ARSF: variants seen among roughly 807,000 people sequenced by gnomAD.
ARSF encodes arylsulfatase F.
In ARSF, 33 loss-of-function variants were observed where a neutral mutation model predicts 35.4. The observed-to-expected ratio is 0.93, with a 90% CI of 0.71 to 1.25. The LOEUF (loss-of-function observed/expected upper bound fraction) is 1.25, where lower values mean the gene tolerates loss of function less well. ARSF is among the 50% of genes most tolerant of loss of function. The probability of loss-of-function intolerance (pLI) is 0.00; values close to 1 mark genes in which losing one functional copy is unlikely to be tolerated. For missense variants in ARSF, 501 were observed against 480.2 expected (o/e 1.04, Z -0.40); for synonymous variants, 222 against 193.1 (o/e 1.15, Z -1.24).
intron 8 of ARSF, among the ~76,000 whole-genome samples, chrX:3,101,860 A>G (rs765240425): frequency 8.9e-6 from 1 of 112,432 alleles, no homozygotes; most frequent in African/African-American, 3.2e-5. Context: ...AAAAAAGATA[A>G]TTATCTGGAA....
chrX:3,092,629 T>A (rs1425773844), intron 7 of ARSF, among the ~76,000 whole-genome samples: 1 of 112,015 alleles, frequency 8.9e-6, no homozygotes, highest in African/African-American at 3.2e-5. Context: ...GCAACTGAGA[T>A]GTACATGATA....
intron 7 of ARSF, among the ~76,000 whole-genome samples, chrX:3,096,090 A>C (rs1408768791): frequency 9.2e-6 from 1 of 108,526 alleles, no homozygotes; most frequent in Non-Finnish European, 1.9e-5. Context: ...TTAGTATAGT[A>C]TTAGTCCAAT....
chrX:3,091,139 T>G lies in ARSF; in HGVS notation c.967+1507T>G, dbSNP rs767503172. 3.6e-5 allele frequency among the ~76,000 whole-genome samples: 4 copies of G among 111,952 alleles called. No individual in the cohort carries two copies. The South Asian group carries it at 1.1e-3, about 32-fold the overall frequency. On this transcript the variant is annotated intron_variant, in intron 7 of 10. Coordinates refer to ENST00000381127, the MANE Select transcript of ARSF (RefSeq NM_001201539.2). ...CATGTTACCCAGGCTGCTCTTGAAC[T>G]CCCAAGCTCAGGTAATATGCCTGCC...
intron 7 of ARSF, among the ~76,000 whole-genome samples, chrX:3,092,429 C>T (rs1441948534): frequency 9.0e-6 from 1 of 111,602 alleles, no homozygotes; most frequent in Non-Finnish European, 1.9e-5. Flanking sequence ...TTTAAATTAA[C>T]AAAGCTCCCA....
At chrX:3,042,319 G>C (rs188150945) in intron 1 of ARSF, among the ~76,000 whole-genome samples, 1,908 of 110,886 alleles carry the variant, frequency 0.017, 19 homozygotes, top group Middle Eastern at 0.052. Flanking sequence ...AAATTAATTA[G>C]GTAAATGTAA....
At chrX:3,080,862 C>T in intron 4 of ARSF, 29 bp from the exon 5 acceptor site, 2 of 1,207,028 alleles carry the variant, frequency 1.7e-6, no homozygotes, top group South Asian at 3.6e-5. Context: ...AACACCTACT[C>T]ATTGTACTTT....
At chrX:3,075,398 G>A (rs2090137943) in intron 3 of ARSF, among the ~76,000 whole-genome samples, 1 of 109,985 alleles carries the variant, frequency 9.1e-6, no homozygotes, top group Admixed American at 9.7e-5. Context: ...AGATCTCTCT[G>A]TCTCTCTCTC....
chrX:3,101,239 T>C lies in ARSF; in HGVS notation c.1102+18T>C, dbSNP rs1309417839. The C allele has an allele frequency of 8.3e-7, 1 of 1,201,485 alleles. No homozygotes were observed. Among genetic ancestry groups the C allele is most frequent in the Non-Finnish European group, 1.1e-6 (1 of 890,360 alleles). ...ATACAAAGGTGAGGAGAGGAACTCATGCAAGTGATCTGGTGGTGAATAAGC... is the reference window on the plus strand; with the variant it reads ...ATACAAAGGTGAGGAGAGGAACTCACGCAAGTGATCTGGTGGTGAATAAGC... On this transcript the variant is annotated intron_variant, in intron 8 of 10. Coordinates refer to ENST00000381127, the MANE Select transcript of ARSF (RefSeq NM_001201539.2).
At chrX:3,106,898 G>A (rs755096754) in intron 9 of ARSF, among the ~76,000 whole-genome samples, 4 of 111,913 alleles carry the variant, frequency 3.6e-5, no homozygotes, top group Admixed American at 9.5e-5. Context: ...TGGTATCCAT[G>A]GGGGGTTGGT....
Position 3,080,950 on chromosome X carries a change from C to T in ARSF, c.343C>T (p.Pro115Ser), listed in dbSNP as rs2090197153. Residue 115 changes from proline (P) to serine (S), a missense_variant, in exon 5 of 11, where the codon CCT becomes TCT. By Grantham distance (74) the Pro-to-Ser change is moderately conservative. Coordinates refer to ENST00000381127, the MANE Select transcript of ARSF (RefSeq NM_001201539.2). ...IQNLAVPAGL[P>S]LNETTLAALL... ...AAATCTTGCAGTCCCCGCAGGCCTC[C>T]CTCTTAATGAGACAACACTTGCAGC... 8.3e-7 allele frequency: 1 copy of T among 1,211,583 alleles called. No homozygotes were observed. Among genetic ancestry groups the T allele is most frequent in the Non-Finnish European group, 1.1e-6 (1 of 895,340 alleles).
At chrX:3,105,549 C>T (rs1158332544) in intron 9 of ARSF, among the ~76,000 whole-genome samples, 1 of 112,002 alleles carries the variant, frequency 8.9e-6, no homozygotes, top group Admixed American at 9.4e-5. Flanking sequence ...ACTGCAACCT[C>T]TGCCTCCCGG....
chrX:3,049,146 G>A (rs981910137), intron 1 of ARSF, among the ~76,000 whole-genome samples: 10 of 112,668 alleles, frequency 8.9e-5, no homozygotes, highest in Admixed American at 3.8e-4. Context: ...TGTGGTCTGC[G>A]TACAGCTTGG....
intron 5 of ARSF, among the ~76,000 whole-genome samples, chrX:3,083,033 A>G (rs971134879): frequency 9.1e-6 from 1 of 109,642 alleles, no homozygotes; most frequent in Non-Finnish European, 1.9e-5. Flanking sequence ...TTATCTATCT[A>G]TCCATTCATC....
chrX:3,103,997 G>C (rs914344382), intron 9 of ARSF, 73 bp downstream of exon 9: 2 of 1,098,858 alleles, frequency 1.8e-6, no homozygotes, highest in Non-Finnish European at 1.2e-6. Context: ...AGAACAAGGA[G>C]ACTGACTCTA....
intron 1 of ARSF, among the ~76,000 whole-genome samples, chrX:3,063,643 C>T (rs2090051417): frequency 9.0e-6 from 1 of 111,712 alleles, no homozygotes; most frequent in African/African-American, 3.3e-5. Flanking sequence ...AAATCACAAG[C>T]ATTCCTGTAC....
In ARSF at chrX:3,101,168, T is replaced by C. The variant is rs1361993269; in HGVS notation, c.1049T>C (p.Leu350Ser). ...VYFTSDHGGHLEARRGHAQLG... is the reference protein window; with the variant it reads ...VYFTSDHGGHSEARRGHAQLG... ...TTTACATCAGATCACGGAGGGCATT[T>C]GGAAGCTAGGCGAGGGCATGCCCAA... Residue 350 changes from leucine (L) to serine (S), a missense_variant, in exon 8 of 11, where the codon TTG (leucine) becomes TCG (serine). Transcript: ENST00000381127. 8.3e-7 allele frequency: 1 copy of C among 1,211,460 alleles called. No homozygotes were observed. Among genetic ancestry groups the C allele is most frequent in the Admixed American group, 2.2e-5 (1 of 46,010 alleles).
intron 4 of ARSF, among the ~76,000 whole-genome samples, chrX:3,080,489 C>A (rs1226860761): frequency 2.9e-5 from 3 of 104,404 alleles, no homozygotes; most frequent in Non-Finnish European, 4.0e-5. Flanking sequence ...AAAAAAAGAT[C>A]TTTTCTTAGT....
intron 1 of ARSF, among the ~76,000 whole-genome samples, chrX:3,046,344 AT>A: frequency 8.9e-6 from 1 of 111,773 alleles, no homozygotes; most frequent in East Asian, 2.8e-4. Context: ...CTGCAGCTCT[AT>A]TTTCCAGGCT....
intron 1 of ARSF, among the ~76,000 whole-genome samples, chrX:3,058,026 C>T (rs1298796557): frequency 9.0e-6 from 1 of 111,674 alleles, no homozygotes; most frequent in Non-Finnish European, 1.9e-5. Flanking sequence ...GCTCAGGAAA[C>T]AACACTTGGT....
Sources: gnomAD v4.1 joint callset for allele counts (sites outside exome capture counted in the v4.1 genomes callset) on GRCh38, gnomAD v4.1.1 for gene constraint, MANE v1.5 for transcripts, NCBI Gene and HGNC (gene_info 2026-07-23, HGNC 2026-07-21) for gene names.